Variants in CALN1 observed in about 807,000 individuals in gnomAD.
The protein encoded by CALN1 is calcium-binding protein 8.
In CALN1, 17 loss-of-function variants were observed where a neutral mutation model predicts 30.6. The observed-to-expected ratio is 0.56, with a 90% CI of 0.38 to 0.83. The LOEUF (loss-of-function observed/expected upper bound fraction) is 0.83. Ranked by LOEUF, CALN1 falls within the 40% of genes least tolerant of loss-of-function variation. The probability of loss-of-function intolerance (pLI) is 0.00; values close to 1 mark genes in which losing one functional copy is unlikely to be tolerated. For missense variants in CALN1, 291 were observed against 354.9 expected (o/e 0.82, Z 1.45); for synonymous variants, 156 against 131.4 (o/e 1.19, Z -1.28).
At chr7:72,422,347 T>C (rs1236612931) in intron 1 of CALN1, among the ~76,000 whole-genome samples, 1 of 152,194 alleles carries the variant, frequency 6.6e-6, no homozygotes, top group Non-Finnish European at 1.5e-5. Flanking sequence ...GAAAACCATA[T>C]TGTGGTTTTG....
At chr7:72,105,805 G>A (rs1472358195) in intron 4 of CALN1, among the ~76,000 whole-genome samples, 1 of 89,276 alleles carries the variant, frequency 1.1e-5, no homozygotes, top group Non-Finnish European at 2.2e-5. Flanking sequence ...GAGGGAGGGA[G>A]GAGGAGGAGG....
chr7:72,006,361 A>G (rs1799771837), intron 5 of CALN1, among the ~76,000 whole-genome samples: 2 of 152,332 alleles, frequency 1.3e-5, no homozygotes, highest in African/African-American at 4.8e-5. Flanking sequence ...GAGATAAAAT[A>G]TACAAAACAA....
chr7:72,129,332 T>A (rs922564399), intron 3 of CALN1, among the ~76,000 whole-genome samples: 1 of 152,182 alleles, frequency 6.6e-6, no homozygotes, highest in Non-Finnish European at 1.5e-5. Flanking sequence ...ATACTGGTTA[T>A]AAATGCATAC....
In CALN1 at chr7:71,911,279, C is replaced by T. The variant is rs73185069; in HGVS notation, c.502-100787G>A. The stretch of plus-strand genomic sequence containing the variant: ...AGAATCACATTAGCCTAGGAAATCA[C>T]GGATTGCTTATATTTTACATTTCAA... On this transcript the variant is annotated intron_variant, in intron 5 of 6. Transcript: ENST00000395275. Among the ~76,000 whole-genome samples the T allele has an allele frequency of 9.4e-3, 1,424 of 152,264 alleles. 13 individuals carry two copies. Among genetic ancestry groups the T allele is most frequent in the Non-Finnish European group, 0.016 (1,091 of 68,028 alleles).
chr7:72,046,922 G>A (rs1426998099), intron 4 of CALN1, among the ~76,000 whole-genome samples: 1 of 151,720 alleles, frequency 6.6e-6, no homozygotes, highest in Non-Finnish European at 1.5e-5. Flanking sequence ...ACATTAGCTG[G>A]GCACGGTGGC....
At chr7:72,187,621 A>G (rs1156874438) in intron 3 of CALN1, among the ~76,000 whole-genome samples, 1 of 152,192 alleles carries the variant, frequency 6.6e-6, no homozygotes, top group Non-Finnish European at 1.5e-5. Context: ...CCTCAAGTCC[A>G]TGGAAAAATT....
chr7:72,378,573 G>A (rs913520313), intron 2 of CALN1, among the ~76,000 whole-genome samples: 6 of 151,916 alleles, frequency 3.9e-5, no homozygotes, highest in Non-Finnish European at 5.9e-5. Flanking sequence ...AAATCTTACC[G>A]GCACGTAAGT....
At chr7:72,140,959 T>C (rs191604194) in intron 3 of CALN1, among the ~76,000 whole-genome samples, 1 of 152,312 alleles carries the variant, frequency 6.6e-6, no homozygotes, top group East Asian at 1.9e-4. Flanking sequence ...CCATTGTGAA[T>C]GTCTCTAAAA....
intron 3 of CALN1, among the ~76,000 whole-genome samples, chr7:72,174,433 A>T (rs1184993716): frequency 2.0e-5 from 3 of 152,218 alleles, no homozygotes; most frequent in African/African-American, 7.2e-5. Flanking sequence ...ATTTGTATAA[A>T]AACATTCAAA....
intron 2 of CALN1, among the ~76,000 whole-genome samples, chr7:72,349,527 C>T (rs1395585744): frequency 6.6e-6 from 1 of 151,814 alleles, no homozygotes; most frequent in Non-Finnish European, 1.5e-5. Context: ...AGAAAAAAAA[C>T]ATTATAGCAG....
At chr7:72,100,176 G>C (rs1806550960) in intron 4 of CALN1, among the ~76,000 whole-genome samples, 1 of 149,166 alleles carries the variant, frequency 6.7e-6, no homozygotes, top group South Asian at 2.1e-4. Context: ...TTTTTTTTTA[G>C]AGATAAGGGT....
chr7:71,790,602 G>T (rs1360767865), intron 6 of CALN1, among the ~76,000 whole-genome samples: 1 of 152,196 alleles, frequency 6.6e-6, no homozygotes, highest in Non-Finnish European at 1.5e-5. Flanking sequence ...TAGCTTAGAG[G>T]AGACATCTGT....
intron 3 of CALN1, among the ~76,000 whole-genome samples, chr7:72,231,770 C>G (rs575425202): frequency 1.2e-4 from 19 of 152,318 alleles, no homozygotes; most frequent in Non-Finnish European, 2.2e-4. Flanking sequence ...TCTTGGAACT[C>G]CTCCCTTGCT....
intron 3 of CALN1, among the ~76,000 whole-genome samples, chr7:72,194,217 A>G (rs1041598028): frequency 1.3e-5 from 2 of 152,250 alleles, no homozygotes; most frequent in African/African-American, 4.8e-5. Context: ...GACTGGGTAG[A>G]TGGCTATGCC....
chr7:72,216,883 C>G (rs183122814), intron 3 of CALN1, among the ~76,000 whole-genome samples: 1 of 150,792 alleles, frequency 6.6e-6, no homozygotes, highest in African/African-American at 2.4e-5. Flanking sequence ...TCCTGAGTAG[C>G]TGGGAGTACA....
chr7:71,985,591 T>TC (rs1798626236), intron 5 of CALN1, among the ~76,000 whole-genome samples: 1 of 139,762 alleles, frequency 7.2e-6, no homozygotes, highest in South Asian at 2.3e-4. Context: ...TTTCTTTTTT[T>TC]TTTTTTTTTT....
At chr7:72,268,262 C>T (rs941863642) in intron 3 of CALN1, among the ~76,000 whole-genome samples, 3 of 151,682 alleles carry the variant, frequency 2.0e-5, no homozygotes, top group African/African-American at 7.3e-5. Flanking sequence ...TAAACAAAAG[C>T]GGAGAAGGAG....
intron 2 of CALN1, among the ~76,000 whole-genome samples, chr7:72,378,687 GTT>G (rs35655046): frequency 0.42 from 62,749 of 148,054 alleles, 13,195 homozygotes; most frequent in Admixed American, 0.47. Flanking sequence ...CATCTGCCAA[GTT>G]TTTTTTTTTT....
chr7:71,966,407 C>T (rs1797533535), intron 5 of CALN1, among the ~76,000 whole-genome samples: 1 of 152,052 alleles, frequency 6.6e-6, no homozygotes, highest in South Asian at 2.1e-4. Flanking sequence ...TGGGAGGTGG[C>T]TGGATCATGG....
Sources: allele counts gnomAD v4.1 joint callset (sites outside exome capture counted in the v4.1 genomes callset), GRCh38; gene constraint gnomAD v4.1.1; transcripts MANE v1.5; gene names NCBI Gene and HGNC (gene_info 2026-07-23, HGNC 2026-07-21).